CORO2A: variants seen among roughly 807,000 people sequenced by gnomAD.
CORO2A encodes coronin 2A, also known as coronin-2A.
A neutral mutation model predicts 62.4 loss-of-function variants in CORO2A; 47 were observed. The ratio of observed to expected loss-of-function variants is 0.75; its 90% confidence interval spans 0.60 to 0.96. The LOEUF (loss-of-function observed/expected upper bound fraction) is 0.96, where lower values mean the gene tolerates loss of function less well. CORO2A is among the 40% of genes least tolerant of loss of function. The pLI is 0.00. For missense variants in CORO2A, 610 were observed against 684.1 expected (o/e 0.89, Z 1.21); for synonymous variants, 273 against 268.9 (o/e 1.02, Z -0.15).
In CORO2A at chr9:98,157,466, C is replaced by T. The variant is rs1422429317; in HGVS notation, c.195G>A (p.Leu65=). The T allele has an allele frequency of 6.2e-7, 1 of 1,614,028 alleles. No individual in the cohort carries two copies. Among genetic ancestry groups the T allele is most frequent in the African/African-American group, 1.3e-5 (1 of 74,940 alleles). Residue 65 remains leucine (L), a synonymous_variant, in exon 2 of 12, where the codon CTG becomes CTA. Coordinates refer to ENST00000375077, the MANE Select transcript of CORO2A (RefSeq NM_052820.4). ...AGGGAFLVIP[L]HQTGKLDPHY... is the part of the protein sequence containing the mutation. Reference sequence around the variant, plus strand: ...GGCCTGGGGGTGTCCTTACCTGGTGCAGGGGGATGACGAGGAAGGCCCCTC... The same window carrying T: ...GGCCTGGGGGTGTCCTTACCTGGTGTAGGGGGATGACGAGGAAGGCCCCTC...
At chr9:98,187,966 C>A (rs978805015) in intron 1 of CORO2A, among the ~76,000 whole-genome samples, 2 of 152,156 alleles carry the variant, frequency 1.3e-5, no homozygotes, top group South Asian at 4.1e-4. Flanking sequence ...ATTGGAAAAG[C>A]GGGATAAAAA....
At chr9:98,164,945 C>T (rs1470501367) in intron 1 of CORO2A, among the ~76,000 whole-genome samples, 1 of 151,244 alleles carries the variant, frequency 6.6e-6, no homozygotes, top group Non-Finnish European at 1.5e-5. Context: ...CCCACCACTA[C>T]CACCACCACC....
At chr9:98,157,418 C>G in intron 2 of CORO2A, 42 bp downstream of exon 2, 1 of 1,592,340 alleles carries the variant, frequency 6.3e-7, no homozygotes, top group Non-Finnish European at 8.6e-7. Flanking sequence ...CTCTGTCCTG[C>G]CCTGCCTCCA....
chr9:98,172,226 T>C (rs1010436700), intron 1 of CORO2A, among the ~76,000 whole-genome samples: 5 of 141,362 alleles, frequency 3.5e-5, no homozygotes, highest in Non-Finnish European at 7.7e-5. Flanking sequence ...CCACCCCACT[T>C]CTGAGCTCAG....
intron 1 of CORO2A, among the ~76,000 whole-genome samples, chr9:98,160,641 G>A (rs1157386730): frequency 2.0e-5 from 3 of 152,168 alleles, no homozygotes; most frequent in Non-Finnish European, 2.9e-5. Context: ...GCCTGGGCTC[G>A]GGTGGGAAAG....
chr9:98,177,898 T>A (rs185299735), intron 1 of CORO2A, among the ~76,000 whole-genome samples: 5 of 152,184 alleles, frequency 3.3e-5, no homozygotes, highest in Non-Finnish European at 7.3e-5. Context: ...TCCCCTAACA[T>A]AAACAAACAA....
intron 2 of CORO2A, among the ~76,000 whole-genome samples, chr9:98,157,017 C>T (rs1038761539): frequency 1.2e-4 from 19 of 152,254 alleles, no homozygotes; most frequent in Middle Eastern, 3.4e-3. Flanking sequence ...GTCCAACCTA[C>T]GCTAGCAACA....
chr9:98,125,281 C>T (rs1827300987), intron 11 of CORO2A, among the ~76,000 whole-genome samples: 1 of 152,152 alleles, frequency 6.6e-6, no homozygotes, highest in Non-Finnish European at 1.5e-5. Context: ...AGAAAACTGC[C>T]CTCTGTGCAG....
At chr9:98,181,466 G>T (rs1466642895) in intron 1 of CORO2A, among the ~76,000 whole-genome samples, 1 of 151,628 alleles carries the variant, frequency 6.6e-6, no homozygotes, top group Non-Finnish European at 1.5e-5. Context: ...GTGAGCCTCG[G>T]TGCCTGGCTC....
At chr9:98,152,804 T>C (rs939702486) in intron 2 of CORO2A, among the ~76,000 whole-genome samples, 2 of 152,118 alleles carry the variant, frequency 1.3e-5, no homozygotes, top group African/African-American at 4.8e-5. Context: ...TTAGAAACAT[T>C]CTACTGAACA....
At chr9:98,151,298 T>C (rs776628383) in intron 2 of CORO2A, among the ~76,000 whole-genome samples, 5 of 152,218 alleles carry the variant, frequency 3.3e-5, no homozygotes, top group African/African-American at 4.8e-5. Flanking sequence ...TGTGGGAATT[T>C]GAGGGAGGAA....
chr9:98,165,828 A>C (rs1350071172), intron 1 of CORO2A, among the ~76,000 whole-genome samples: 2 of 152,112 alleles, frequency 1.3e-5, no homozygotes, highest in Non-Finnish European at 2.9e-5. Flanking sequence ...GGAACTTTTT[A>C]TTTGCAAATT....
At chr9:98,144,706 G>A (rs891219680) in intron 2 of CORO2A, among the ~76,000 whole-genome samples, 1 of 152,200 alleles carries the variant, frequency 6.6e-6, no homozygotes, top group Non-Finnish European at 1.5e-5. Context: ...ACCAGGTCAG[G>A]TGGAGGGGAG....
At chr9:98,174,117 C>T (rs1293395398) in intron 1 of CORO2A, among the ~76,000 whole-genome samples, 1 of 149,662 alleles carries the variant, frequency 6.7e-6, no homozygotes, top group Non-Finnish European at 1.5e-5. Flanking sequence ...CCCCGCCCAC[C>T]CCCCACCGCC....
intron 2 of CORO2A, among the ~76,000 whole-genome samples, chr9:98,139,625 T>G (rs1003111332): frequency 6.6e-6 from 1 of 152,190 alleles, no homozygotes; most frequent in Non-Finnish European, 1.5e-5. Context: ...AGACTCCGTC[T>G]CAAAAATAAA....
At chr9:98,155,416 A>C (rs929137765) in intron 2 of CORO2A, among the ~76,000 whole-genome samples, 2 of 138,388 alleles carry the variant, frequency 1.4e-5, no homozygotes, top group African/African-American at 5.5e-5. Flanking sequence ...GCATGATCTC[A>C]GCTCACTGCA....
At chr9:98,185,174 C>CA (rs1671934332) in intron 1 of CORO2A, among the ~76,000 whole-genome samples, 1 of 152,168 alleles carries the variant, frequency 6.6e-6, no homozygotes, top group African/African-American at 2.4e-5. Flanking sequence ...CCCCCACTTC[C>CA]ACCCCAGGCT....
chr9:98,182,549 C>A (rs1428208015), intron 1 of CORO2A, among the ~76,000 whole-genome samples: 1 of 152,218 alleles, frequency 6.6e-6, no homozygotes, highest in Non-Finnish European at 1.5e-5. Context: ...AGATTCTGTT[C>A]TTCCCAAGGG....
intron 3 of CORO2A, among the ~76,000 whole-genome samples, chr9:98,137,112 C>T (rs1827497994): frequency 6.6e-6 from 1 of 152,068 alleles, no homozygotes; most frequent in South Asian, 2.1e-4. Flanking sequence ...AACACGGGCT[C>T]AAAAAAGTGA....
Sources: allele counts gnomAD v4.1 joint callset (sites outside exome capture counted in the v4.1 genomes callset), GRCh38; gene constraint gnomAD v4.1.1; transcripts MANE v1.5; gene names NCBI Gene and HGNC (gene_info 2026-07-23, HGNC 2026-07-21).